The following C2orf78 variants were observed in gnomAD, a reference collection of about 807,000 sequenced individuals.
C2orf78 encodes the protein chromosome 2 open reading frame 78.
C2orf78 carries 12 observed loss-of-function variants against 21.4 expected under a neutral mutation model. That is an observed-to-expected ratio of 0.56 (90% confidence interval 0.36 to 0.91). C2orf78 has a LOEUF of 0.91. Ranked by LOEUF, C2orf78 falls within the 40% of genes least tolerant of loss-of-function variation. The pLI, the probability that C2orf78 is intolerant of heterozygous loss-of-function variation, is 0.01. For missense variants in C2orf78, 1,042 were observed against 1,092.4 expected, an observed-to-expected ratio of 0.95 and a Z score of 0.65; for synonymous variants, 396 against 413.9, an observed-to-expected ratio of 0.96 and a Z score of 0.52.
At chr2:73,810,828 G>A (rs1280644070) in intron 1 of C2orf78, among the ~76,000 whole-genome samples, 1 of 129,014 alleles carries the variant, frequency 7.8e-6, no homozygotes, top group African/African-American at 3.0e-5. Context: ...TAATATACAT[G>A]TATGTTATAT....
chr2:73,815,690 A>G (rs546091199), exon 3 of C2orf78: 1 of 1,613,948 alleles, frequency 6.2e-7, no homozygotes, highest in Admixed American at 1.7e-5. Flanking sequence ...AGGAAAAGTC[A>G]TGTGTCATAA....
chr2:73,816,097 C>T (rs747779752), exon 3 of C2orf78: 10 of 1,613,800 alleles, frequency 6.2e-6, no homozygotes, highest in Non-Finnish European at 8.5e-6. Context: ...CCCCGAAGCT[C>T]CCTAGGCATG....
exon 3 of C2orf78, chr2:73,816,658 C>T (rs781351281): frequency 6.2e-7 from 1 of 1,613,996 alleles, no homozygotes; most frequent in Non-Finnish European, 8.5e-7. Context: ...GCTTCTAGGC[C>T]ATCAGCCTAC....
chr2:73,815,988 C>T lies in C2orf78; in HGVS notation c.1765C>T (p.Gln589Ter), dbSNP rs866383383. ...CTCCAAGAAATCTGAAGAGAGTAAG[C>T]AGTCAGGGAAAAAAGTCAAGGTAGA... The change falls in exon 3 of 3, where the codon CAG becomes TAG. Residue 589 changes from glutamine (Q) to a stop codon, truncating the protein, a stop_gained. Transcript: ENST00000409561. LOFTEE classifies it low-confidence loss of function (END_TRUNC). 2 of 1,613,726 alleles carry T rather than the reference C, an allele frequency of 1.2e-6. No homozygotes were observed. The highest frequency in any genetic ancestry group is 1.3e-5 in the African/African-American group (1 of 74,888).
intron 1 of C2orf78, 115 bp from the exon 2 acceptor site, chr2:73,813,362 G>T: frequency 9.3e-7 from 1 of 1,070,514 alleles, no homozygotes; most frequent in Non-Finnish European, 1.3e-6. Context: ...ATCTCAGTGA[G>T]TATTGGTATT....
Position 73,792,602 on chromosome 2 carries a change from C to G in C2orf78, c.97+8196C>G, listed in dbSNP as rs1186729983. The stretch of plus-strand genomic sequence containing the variant: ...CTTTTTTCCTGTACCCTCACCTTGC[C>G]TGTTTCCTATTCTCCACTAAATGCT... On this transcript the variant is annotated intron_variant, in intron 1 of 2. Transcript: ENST00000409561. 3.1e-4 allele frequency among the ~76,000 whole-genome samples: 36 copies of G among 116,980 alleles called. No homozygotes were observed. In the South Asian group the frequency reaches 9.1e-3, roughly 30 times the overall value. The allele number at this position is 116,980 out of a possible 152,430, so 76.7% of individuals were successfully genotyped here.
chr2:73,807,964 T>G (rs1454553417), intron 1 of C2orf78, among the ~76,000 whole-genome samples: 3 of 150,990 alleles, frequency 2.0e-5, no homozygotes, highest in Non-Finnish European at 2.9e-5. Context: ...GCCCTTAAAA[T>G]CGGCAGTAGG....
At position 73,785,971 on chromosome 2, in the gene C2orf78, G is replaced by A. The variant is rs369589491; in HGVS notation, c.97+1565G>A. On this transcript the variant is annotated intron_variant, in intron 1 of 2. Coordinates refer to ENST00000409561, the Ensembl canonical transcript of C2orf78. Reference sequence around the variant, plus strand: ...TGAGGCAGGACAATCACTTGAACCCGAGAGGCAAAGGTTGTGGTGAGCCAA... The same window carrying A: ...TGAGGCAGGACAATCACTTGAACCCAAGAGGCAAAGGTTGTGGTGAGCCAA... Among the ~76,000 whole-genome samples the A allele has an allele frequency of 3.9e-5, 6 of 151,978 alleles. 1 individual carries two copies. In the East Asian group the frequency reaches 7.8e-4, roughly 20 times the overall value.
intron 1 of C2orf78, chr2:73,808,666 C>T: frequency 7.8e-7 from 1 of 1,275,608 alleles, no homozygotes; most frequent in Non-Finnish European, 1.1e-6. Flanking sequence ...AAACTGCCTG[C>T]TTTGTGACAT....
intron 1 of C2orf78, among the ~76,000 whole-genome samples, chr2:73,810,775 A>G (rs573077395): frequency 8.0e-6 from 1 of 125,392 alleles, no homozygotes; most frequent in African/African-American, 3.0e-5. Context: ...TATATATATA[A>G]AATATACATG....
chr2:73,808,647 C>G (rs1178441811), intron 1 of C2orf78: 11 of 340,780 alleles, frequency 3.2e-5, no homozygotes, highest in Non-Finnish European at 4.1e-5. Flanking sequence ...TTGGCTATCG[C>G]AGACCTTTAA....
At chr2:73,810,150 A>C (rs1573198783) in intron 1 of C2orf78, among the ~76,000 whole-genome samples, 1 of 152,158 alleles carries the variant, frequency 6.6e-6, no homozygotes, top group Non-Finnish European at 1.5e-5. Context: ...AAAGCACCTT[A>C]TCAGAAGTCA....
rs1294462130 is a variant in C2orf78, at chr2:73,808,964, C to A, written c.98-4513C>A. ...TTTCTTTGCCACTAAATTTAGATTT[C>A]TTTCCCCCTATATTCCCAAACAGCT... On this transcript the variant is annotated intron_variant, in intron 1 of 2. Transcript: ENST00000409561. 8.6e-6 allele frequency: 5 copies of A among 578,600 alleles called. 1 individual carries two copies. The highest frequency in any genetic ancestry group is 1.5e-5 in the Non-Finnish European group (5 of 326,464). 35.8% of individuals were successfully genotyped at this position (578,600 alleles called of 1,614,324 possible). A position where few individuals can be genotyped will look rare whatever the true frequency, so the allele number is the denominator to read the frequency against.
chr2:73,810,004 T>TAG (rs1673044926), intron 1 of C2orf78, among the ~76,000 whole-genome samples: 1 of 151,676 alleles, frequency 6.6e-6, no homozygotes. Context: ...AAAAAATATA[T>TAG]TTTAAATTTG....
At chr2:73,786,195 C>T (rs746451816) in intron 1 of C2orf78, among the ~76,000 whole-genome samples, 37 of 151,902 alleles carry the variant, frequency 2.4e-4, no homozygotes, top group Non-Finnish European at 4.3e-4. Flanking sequence ...GCCTAGGCAA[C>T]ATGGTGAAAC....
chr2:73,807,905 A>C (rs1672987777), intron 1 of C2orf78, among the ~76,000 whole-genome samples: 1 of 150,684 alleles, frequency 6.6e-6, no homozygotes, highest in Admixed American at 6.6e-5. Context: ...GCAATCAACA[A>C]ACTTTGCTGT....
At chr2:73,785,616 T>C (rs1341244855) in intron 1 of C2orf78, among the ~76,000 whole-genome samples, 7 of 151,680 alleles carry the variant, frequency 4.6e-5, no homozygotes, top group Non-Finnish European at 1.0e-4. Flanking sequence ...CTTAGATCAA[T>C]GGACGAGGAA....
intron 1 of C2orf78, among the ~76,000 whole-genome samples, chr2:73,811,398 A>G (rs934577214): frequency 6.6e-6 from 1 of 152,204 alleles, no homozygotes; most frequent in African/African-American, 2.4e-5. Flanking sequence ...TAATTTTTAA[A>G]TTATATGGAT....
At position 73,813,463 on chromosome 2, in the gene C2orf78, CTT is replaced by C. The variant is rs779985194; in HGVS notation, c.98-13_98-12del. The C allele has an allele frequency of 3.3e-4, 524 of 1,568,576 alleles. No individual in the cohort carries two copies. The highest frequency in any genetic ancestry group is 8.6e-4 in the African/African-American group (63 of 73,640). On this transcript the variant is annotated splice_polypyrimidine_tract_variant and intron_variant, in intron 1 of 2. Transcript: ENST00000409561. ...CTCTCATCGGTTTTTTCATCTCTCT[CTT>C]GTTTCCTACAGAATATTTCCAAAAT...
Sources: allele counts gnomAD v4.1 joint callset (sites outside exome capture counted in the v4.1 genomes callset), GRCh38; gene constraint gnomAD v4.1.1; transcripts MANE v1.5; gene names NCBI Gene and HGNC (gene_info 2026-07-23, HGNC 2026-07-21).